Variants in RPS6KC1 observed in about 807,000 individuals in gnomAD.
The protein encoded by RPS6KC1 is inactive ribosomal protein S6 kinase delta-1.
Under a neutral mutation model 103.8 loss-of-function variants are expected in RPS6KC1, and 54 were observed. That is an observed-to-expected ratio of 0.52 (90% CI 0.42 to 0.65). The LOEUF (loss-of-function observed/expected upper bound fraction) is 0.65. Ranked by LOEUF, RPS6KC1 falls within the 30% of genes least tolerant of loss-of-function variation. The pLI, the probability that RPS6KC1 is intolerant of heterozygous loss-of-function variation, is 0.00. For synonymous variants in RPS6KC1, 439 were observed against 438.7 expected, an observed-to-expected ratio of 1.00 and a Z score of -0.01; for missense variants, 1,151 against 1,253.8, an observed-to-expected ratio of 0.92 and a Z score of 1.24.
intron 3 of RPS6KC1, among the ~76,000 whole-genome samples, chr1:213,085,017 A>G (rs1276413058): frequency 1.3e-5 from 2 of 152,206 alleles, no homozygotes; most frequent in African/African-American, 2.4e-5. Flanking sequence ...ACAGATTACC[A>G]TACACTTGGT....
the RPS6KC1 span, among the ~76,000 whole-genome samples, chr1:213,779,770 C>T: frequency 6.6e-6 from 1 of 152,192 alleles, no homozygotes; most frequent in Non-Finnish European, 1.5e-5. Flanking sequence ...AAGGGTGGAA[C>T]TAGTTGCCAC....
At chr1:213,185,359 A>G (rs2092473730) in intron 8 of RPS6KC1, among the ~76,000 whole-genome samples, 1 of 152,202 alleles carries the variant, frequency 6.6e-6, no homozygotes, top group Non-Finnish European at 1.5e-5. Context: ...TAATTAGAGA[A>G]TTAAGGCCTG....
chr1:213,190,511 C>T (rs1354405257), intron 8 of RPS6KC1, among the ~76,000 whole-genome samples: 1 of 152,012 alleles, frequency 6.6e-6, no homozygotes, highest in East Asian at 1.9e-4. Flanking sequence ...TAGATTTTTT[C>T]CTATAGAGAT....
chr1:213,585,925 G>C, the RPS6KC1 span, among the ~76,000 whole-genome samples: 2 of 152,192 alleles, frequency 1.3e-5, no homozygotes, highest in Non-Finnish European at 2.9e-5. Flanking sequence ...CAAGTGGAGA[G>C]GGGATATGCT....
the RPS6KC1 span, among the ~76,000 whole-genome samples, chr1:213,677,128 C>G: frequency 6.6e-6 from 1 of 152,224 alleles, no homozygotes; most frequent in Non-Finnish European, 1.5e-5. Flanking sequence ...TGCCCCTTAT[C>G]CTTTCCAATT....
the RPS6KC1 span, among the ~76,000 whole-genome samples, chr1:213,850,895 A>ATGTATTG: frequency 9.2e-5 from 14 of 151,470 alleles, no homozygotes; most frequent in Non-Finnish European, 2.1e-4. Context: ...AGCTGATTTC[A>ATGTATTG]TGTATTGTGT....
chr1:213,697,050 C>T, the RPS6KC1 span, among the ~76,000 whole-genome samples: 1 of 152,186 alleles, frequency 6.6e-6, no homozygotes, highest in Non-Finnish European at 1.5e-5. Context: ...AATTAATTTG[C>T]TAAAGCACCT....
chr1:213,248,865 A>G (rs759475724), intron 12 of RPS6KC1, among the ~76,000 whole-genome samples: 3 of 152,246 alleles, frequency 2.0e-5, no homozygotes, highest in Non-Finnish European at 4.4e-5. Context: ...CAAATGACAC[A>G]TTAGCACATC....
chr1:213,147,204 G>C (rs6540781), intron 6 of RPS6KC1, among the ~76,000 whole-genome samples: 111,016 of 152,010 alleles, frequency 0.73, 41,368 homozygotes, highest in African/African-American at 0.88. Context: ...TTGATGTGAT[G>C]CCATTTGTCC....
chr1:213,804,189 A>AC, the RPS6KC1 span, among the ~76,000 whole-genome samples: 5 of 150,272 alleles, frequency 3.3e-5, no homozygotes, highest in Middle Eastern at 3.4e-3. Flanking sequence ...AAAAAAAAAA[A>AC]AAAAAAAAAC....
At chr1:213,080,407 T>C (rs2079762528) in intron 3 of RPS6KC1, among the ~76,000 whole-genome samples, 1 of 152,216 alleles carries the variant, frequency 6.6e-6, no homozygotes, top group African/African-American at 2.4e-5. Flanking sequence ...GCATTTTTGA[T>C]CTTCCTCCTA....
chr1:213,400,981 A>G, the RPS6KC1 span, among the ~76,000 whole-genome samples: 3 of 152,124 alleles, frequency 2.0e-5, no homozygotes, highest in Non-Finnish European at 4.4e-5. Flanking sequence ...TGCTGGGATT[A>G]CAGGTGTGAG....
At chr1:213,538,271 A>G in the RPS6KC1 span, among the ~76,000 whole-genome samples, 5,357 of 152,262 alleles carry the variant, frequency 0.035, 493 homozygotes, top group East Asian at 0.28. Context: ...TGGGCCCAGC[A>G]TCTCCTTCAA....
chr1:213,657,155 A>G, the RPS6KC1 span, among the ~76,000 whole-genome samples: 5 of 152,198 alleles, frequency 3.3e-5, no homozygotes, highest in African/African-American at 9.7e-5. Context: ...TGGATGAACA[A>G]GTGAAAAAAA....
chr1:213,818,571 C>T, the RPS6KC1 span: 1 of 152,040 alleles, frequency 6.6e-6, no homozygotes, highest in Non-Finnish European at 1.5e-5. Flanking sequence ...GCTGTATTTC[C>T]AAGGTATGTC....
At chr1:213,531,974 T>A in the RPS6KC1 span, among the ~76,000 whole-genome samples, 1 of 152,312 alleles carries the variant, frequency 6.6e-6, no homozygotes, top group Admixed American at 6.5e-5. Context: ...TTGGAGAGTG[T>A]CATCTCCCCC....
Position 213,242,182 on chromosome 1 carries a change from A to G in RPS6KC1, c.2706A>G (p.Pro902=). ...KLALASRFYI[P]EGCIQRWAAE... is the part of the protein sequence containing the mutation. Reference sequence around the variant, plus strand: ...CACTAGCCTCCAGGTTTTACATCCCAGAGGGCTGCATTCAAAGATGGGCAG... The same window carrying G: ...CACTAGCCTCCAGGTTTTACATCCCGGAGGGCTGCATTCAAAGATGGGCAG... The change falls in exon 11 of 15, where the codon CCA becomes CCG. Residue 902 remains proline (P), a synonymous_variant. Transcript: ENST00000366960. 1 of 1,613,996 alleles carries G rather than the reference A, an allele frequency of 6.2e-7. No homozygotes were observed.
At chr1:213,651,368 A>T in the RPS6KC1 span, among the ~76,000 whole-genome samples, 1 of 152,182 alleles carries the variant, frequency 6.6e-6, no homozygotes, top group South Asian at 2.1e-4. Context: ...AGCCACGGTG[A>T]ATACAAACAT....
At chr1:213,152,554 C>T (rs2089297771) in intron 6 of RPS6KC1, among the ~76,000 whole-genome samples, 2 of 150,602 alleles carry the variant, frequency 1.3e-5, no homozygotes, top group South Asian at 4.2e-4. Context: ...CTCCTCACCT[C>T]CCAGACGGGG....
Sources: allele counts gnomAD v4.1 joint callset (sites outside exome capture counted in the v4.1 genomes callset), GRCh38; gene constraint gnomAD v4.1.1; transcripts MANE v1.5; gene names NCBI Gene and HGNC (gene_info 2026-07-23, HGNC 2026-07-21).